RABL3: variants seen among roughly 807,000 people sequenced by gnomAD.
The protein encoded by RABL3 is rab-like protein 3.
In RABL3, 31 loss-of-function variants were observed where a neutral mutation model predicts 31.8. The ratio of observed to expected loss-of-function variants is 0.97; its 90% CI spans 0.73 to 1.31. The LOEUF (loss-of-function observed/expected upper bound fraction) is 1.31, where lower values mean the gene tolerates loss of function less well. Among genes scored for constraint, RABL3 ranks in the 40% most tolerant of loss-of-function variants. The pLI is 0.00. For synonymous variants in RABL3, 97 were observed against 99.9 expected (o/e 0.97, Z 0.18); for missense variants, 263 against 279.6 (o/e 0.94, Z 0.42).
chr3:120,728,093 T>A (rs538479289), intron 2 of RABL3, among the ~76,000 whole-genome samples: 78 of 152,048 alleles, frequency 5.1e-4, no homozygotes, highest in African/African-American at 1.8e-3. Flanking sequence ...ATAAGACAAG[T>A]GGGAAAGAAA....
chr3:120,707,028 T>C (rs1364511031), intron 3 of RABL3, among the ~76,000 whole-genome samples: 1 of 152,168 alleles, frequency 6.6e-6, no homozygotes, highest in Non-Finnish European at 1.5e-5. Flanking sequence ...GTCAAAACAC[T>C]ACAGGTTTCA....
chr3:120,726,061 C>T (rs1427396329), intron 2 of RABL3, among the ~76,000 whole-genome samples: 1 of 152,130 alleles, frequency 6.6e-6, no homozygotes, highest in African/African-American at 2.4e-5. Flanking sequence ...GGGTGATCCT[C>T]CCACCTGGCC....
At chr3:120,715,367 G>C (rs1023203234) in intron 2 of RABL3, among the ~76,000 whole-genome samples, 4 of 151,966 alleles carry the variant, frequency 2.6e-5, no homozygotes, top group African/African-American at 9.7e-5. Context: ...GGCGAAACCT[G>C]TCTCTACTAA....
chr3:120,707,313 A>G (rs1455742589), intron 3 of RABL3, among the ~76,000 whole-genome samples: 1 of 151,672 alleles, frequency 6.6e-6, no homozygotes, highest in Non-Finnish European at 1.5e-5. Context: ...AATTGTACCC[A>G]CTCTTCCTTC....
At chr3:120,732,373 G>A (rs190670171) in intron 1 of RABL3, among the ~76,000 whole-genome samples, 8 of 152,106 alleles carry the variant, frequency 5.3e-5, no homozygotes, top group African/African-American at 1.9e-4. Flanking sequence ...ACTGTACCCT[G>A]TACATTTTCC....
Position 120,685,238 on chromosome 3 carries a change from A to C in RABL3, c.*4585T>G, listed in dbSNP as rs997686257. Reference sequence around the variant, plus strand: ...GCAGGGTGTGACAGGTCTACAGAGTAATCACTCCAAAACGGAGTTAGGCAT... The same window carrying C: ...GCAGGGTGTGACAGGTCTACAGAGTCATCACTCCAAAACGGAGTTAGGCAT... On this transcript the variant is annotated 3_prime_UTR_variant, in exon 8 of 8. Transcript: ENST00000273375. 3.9e-5 allele frequency among the ~76,000 whole-genome samples: 6 copies of C among 152,208 alleles called. No homozygotes were observed. Among genetic ancestry groups the C allele is most frequent in the African/African-American group, 1.4e-4 (6 of 41,454 alleles).
intron 5 of RABL3, among the ~76,000 whole-genome samples, chr3:120,697,423 C>T (rs999934765): frequency 1.1e-4 from 16 of 152,188 alleles, no homozygotes; most frequent in African/African-American, 3.9e-4. Flanking sequence ...CAGTTTTCAA[C>T]CCGTAAGTGC....
intron 1 of RABL3, among the ~76,000 whole-genome samples, chr3:120,734,916 C>G (rs1207056524): frequency 6.6e-6 from 1 of 152,280 alleles, no homozygotes; most frequent in South Asian, 2.1e-4. Context: ...GGTAGATAAG[C>G]TTTTTGATGT....
chr3:120,715,736 T>C (rs1421367496), intron 2 of RABL3, among the ~76,000 whole-genome samples: 1 of 152,076 alleles, frequency 6.6e-6, no homozygotes, highest in Non-Finnish European at 1.5e-5. Flanking sequence ...GTATCAGATT[T>C]TTTTTTTTCT....
At chr3:120,700,192 T>C (rs760834827) in intron 4 of RABL3, among the ~76,000 whole-genome samples, 8 of 152,132 alleles carry the variant, frequency 5.3e-5, no homozygotes, top group Non-Finnish European at 1.2e-4. Flanking sequence ...AACTTTATCA[T>C]GGATGGATAA....
At position 120,693,994 on chromosome 3, in the gene RABL3, T is replaced by G. The variant is rs536461904; in HGVS notation, c.606+159A>C. On this transcript the variant is annotated intron_variant, in intron 6 of 7. Transcript: ENST00000273375. ...ATGGAATAAATACGTCAGCAGGCCT[T>G]GGGCAATTATACCAACAGATAAGAG... 2.0e-4 allele frequency among the ~76,000 whole-genome samples: 30 copies of G among 152,304 alleles called. 1 individual carries two copies. In the East Asian group the frequency reaches 5.4e-3, roughly 27 times the overall value.
intron 2 of RABL3, among the ~76,000 whole-genome samples, chr3:120,711,414 CA>C (rs1399518839): frequency 1.3e-5 from 2 of 152,122 alleles, no homozygotes; most frequent in Admixed American, 6.5e-5. Context: ...CCACCCAGGT[CA>C]AAGTCTCTAT....
Position 120,686,385 on chromosome 3 carries a change from T to C in RABL3, c.*3438A>G, listed in dbSNP as rs777520099. On this transcript the variant is annotated 3_prime_UTR_variant, in exon 8 of 8. Transcript: ENST00000273375. ...TGGGTGCTACTGCAAACTATTGAAATGAGGACTCAGAAACTCTGATTACAA... is the reference window on the plus strand; with the variant it reads ...TGGGTGCTACTGCAAACTATTGAAACGAGGACTCAGAAACTCTGATTACAA... Among the ~76,000 whole-genome samples, 4 of 152,224 alleles carry C rather than the reference T, an allele frequency of 2.6e-5. No individual in the cohort carries two copies. Among genetic ancestry groups the C allele is most frequent in the Non-Finnish European group, 4.4e-5 (3 of 68,042 alleles).
intron 1 of RABL3, among the ~76,000 whole-genome samples, chr3:120,734,166 T>G (rs1353746609): frequency 4.6e-5 from 7 of 152,354 alleles, no homozygotes; most frequent in Admixed American, 6.5e-5. Context: ...TATTGATTCT[T>G]CCTACCCATG....
At chr3:120,723,782 A>G (rs1040083589) in intron 2 of RABL3, among the ~76,000 whole-genome samples, 1 of 152,182 alleles carries the variant, frequency 6.6e-6, no homozygotes, top group Non-Finnish European at 1.5e-5. Flanking sequence ...TAAATTAGGT[A>G]TTGATGGGAC....
intron 4 of RABL3, among the ~76,000 whole-genome samples, chr3:120,704,692 T>A (rs1224689686): frequency 6.6e-6 from 1 of 152,198 alleles, no homozygotes; most frequent in Non-Finnish European, 1.5e-5. Context: ...AGGTCAGCAC[T>A]CAGAATCAAT....
chr3:120,735,583 C>T (rs539825348), intron 1 of RABL3, among the ~76,000 whole-genome samples: 9 of 152,048 alleles, frequency 5.9e-5, no homozygotes, highest in Non-Finnish European at 1.0e-4. Context: ...TTGCCTTCTG[C>T]TAGCTTTTGA....
At chr3:120,742,529 T>A (rs745393867), upstream of RABL3, 11 of 1,613,788 alleles carry the variant, frequency 6.8e-6, no homozygotes, top group South Asian at 1.2e-4. Flanking sequence ...CTTCCCTGGG[T>A]TAACGCCTGT....
chr3:120,736,951 C>T (rs1179460070), intron 1 of RABL3, among the ~76,000 whole-genome samples: 1 of 152,190 alleles, frequency 6.6e-6, no homozygotes, highest in Non-Finnish European at 1.5e-5. Context: ...TCTGGCTGCC[C>T]TTAACATTTT....
Sources: allele counts gnomAD v4.1 joint callset (sites outside exome capture counted in the v4.1 genomes callset), GRCh38; gene constraint gnomAD v4.1.1; transcripts MANE v1.5; gene names NCBI Gene and HGNC (gene_info 2026-07-23, HGNC 2026-07-21).